Variants in GABRR2 observed in about 807,000 individuals in gnomAD.
The protein encoded by GABRR2 is gamma-aminobutyric acid receptor subunit rho-2.
Under a neutral mutation model 47.0 loss-of-function variants are expected in GABRR2, and 36 were observed. That is an observed-to-expected ratio of 0.77 (90% CI 0.59 to 1.01). The LOEUF (loss-of-function observed/expected upper bound fraction) is 1.01. Among genes scored for constraint, GABRR2 ranks in the 50% least tolerant of loss-of-function variants. GABRR2 has a pLI of 0.00. For missense variants in GABRR2, 587 were observed against 594.6 expected (o/e 0.99, Z 0.13); for synonymous variants, 204 against 227.5 (o/e 0.90, Z 0.93).
intron 2 of GABRR2, among the ~76,000 whole-genome samples, chr6:89,297,048 T>C (rs1000925936): frequency 3.3e-5 from 5 of 152,082 alleles, no homozygotes; most frequent in African/African-American, 9.7e-5. Flanking sequence ...TTGTTCGGAA[T>C]AGCACCCACA....
chr6:89,285,840 G>T (rs1774325889), intron 2 of GABRR2, among the ~76,000 whole-genome samples: 1 of 151,948 alleles, frequency 6.6e-6, no homozygotes, highest in Non-Finnish European at 1.5e-5. Context: ...CAATGTCCTT[G>T]CTGAGTGGCA....
chr6:89,294,961 G>C (rs1774530886), intron 2 of GABRR2, among the ~76,000 whole-genome samples: 1 of 152,088 alleles, frequency 6.6e-6, no homozygotes, highest in Non-Finnish European at 1.5e-5. Context: ...CCCTAAAAAG[G>C]ACATGAACTC....
intron 2 of GABRR2, among the ~76,000 whole-genome samples, chr6:89,290,719 AGAAGGCAGGAGGTATCG>A (rs1468342609): frequency 6.6e-6 from 1 of 152,210 alleles, no homozygotes; most frequent in African/African-American, 2.4e-5. Flanking sequence ...AGTCGGTATC[AGAAGGCAGGAGGTATCG>A]GAAGGGAGGA....
chr6:89,295,489 T>C (rs1774537957), intron 2 of GABRR2, among the ~76,000 whole-genome samples: 1 of 151,548 alleles, frequency 6.6e-6, no homozygotes, highest in African/African-American at 2.4e-5. Context: ...GGGATTTTTT[T>C]TTAATTTGTT....
chr6:89,258,540 TA>T (rs58724665), intron 8 of GABRR2, among the ~76,000 whole-genome samples: 32,252 of 117,176 alleles, frequency 0.28, 3,535 homozygotes, highest in Non-Finnish European at 0.31. Flanking sequence ...ACTCCTTCTC[TA>T]AAAAAAAAAA....
chr6:89,299,920 G>T, intron 1 of GABRR2, 55 bp from the exon 2 acceptor site: 2 of 1,152,020 alleles, frequency 1.7e-6, no homozygotes, highest in Non-Finnish European at 2.6e-6. Context: ...CATTGAGTGA[G>T]ATGATTTGGG....
chr6:89,266,528 G>A (rs983663453), intron 6 of GABRR2, among the ~76,000 whole-genome samples: 3 of 152,172 alleles, frequency 2.0e-5, no homozygotes, highest in Admixed American at 6.5e-5. Flanking sequence ...GAAATAGGCT[G>A]TTCACATGAT....
chr6:89,307,814 CTTTTTT>C (rs1247224346), intron 1 of GABRR2, among the ~76,000 whole-genome samples: 2 of 125,292 alleles, frequency 1.6e-5, no homozygotes, highest in East Asian at 4.4e-4. Flanking sequence ...ACTTCATTCA[CTTTTTT>C]TTTTTTTTTT....
At chr6:89,294,784 TC>T (rs1251963921) in intron 2 of GABRR2, among the ~76,000 whole-genome samples, 3 of 95,806 alleles carry the variant, frequency 3.1e-5, no homozygotes, top group East Asian at 7.0e-4. Context: ...ATGCTATCCC[TC>T]CCCCCTCCCC....
intron 2 of GABRR2, among the ~76,000 whole-genome samples, chr6:89,278,799 A>G (rs1774210160): frequency 6.6e-6 from 1 of 152,190 alleles, no homozygotes; most frequent in African/African-American, 2.4e-5. Flanking sequence ...TGGGGCGGGG[A>G]GGTTGGCATA....
rs1773978800 is a variant in GABRR2, at chr6:89,269,007, C to T, written c.512+4G>A. 3.7e-6 allele frequency: 6 copies of T among 1,612,954 alleles called. No individual in the cohort carries two copies. The highest frequency in any genetic ancestry group is 3.4e-6 in the Non-Finnish European group (4 of 1,178,892). ...CAGAGGAACAATGGCCCCCAGACAG[C>T]TACCTCATGCTGTACAGCACGTGTC... On this transcript the variant is annotated splice_donor_region_variant and intron_variant, in intron 4 of 8. Transcript: ENST00000402938.
At chr6:89,265,837 G>C (rs1001786092) in intron 6 of GABRR2, 72 bp from the exon 7 acceptor site, 2 of 1,472,948 alleles carry the variant, frequency 1.4e-6, no homozygotes, top group South Asian at 2.5e-5. Context: ...CTGGGAACCC[G>C]TCTTTCACTG....
chr6:89,294,279 G>A (rs1774519163), intron 2 of GABRR2, among the ~76,000 whole-genome samples: 1 of 152,126 alleles, frequency 6.6e-6, no homozygotes, highest in Non-Finnish European at 1.5e-5. Flanking sequence ...CAAGTAGCTG[G>A]GACTACAGGC....
Position 89,264,547 on chromosome 6 carries a change from G to A in GABRR2, c.951C>T (p.Arg317=), listed in dbSNP as rs373974438. ...IITGVNASMP[R]VSYVKAVDIY... ...TGTCCACGGCCTTGACGTAGGAGAC[G>A]CGCGGCATGGAGGCATTCACGCCCG... The change falls in exon 8 of 9, where the codon CGC becomes CGT. Residue 317 remains arginine, a synonymous_variant. Transcript: ENST00000402938. 134 of 1,614,024 alleles carry A rather than the reference G, an allele frequency of 8.3e-5. No homozygotes were observed. Among genetic ancestry groups the A allele is most frequent in the Non-Finnish European group, 9.6e-5 (113 of 1,180,040 alleles).
At chr6:89,302,744 C>T (rs3777516) in intron 1 of GABRR2, 108 of 1,408,614 alleles carry the variant, frequency 7.7e-5, no homozygotes, top group South Asian at 5.4e-4. Flanking sequence ...AGGAGGTGGA[C>T]GAGCAGATGC....
rs1773934705 is a variant in GABRR2 at position 89,267,706 on chromosome 6, A to G, written c.709T>C (p.Ser237Pro). 1 of 1,613,736 alleles carries G rather than the reference A, an allele frequency of 6.2e-7. No homozygotes were observed. Among genetic ancestry groups the G allele is most frequent in the Admixed American group, 1.7e-5 (1 of 59,972 alleles). The change falls in exon 6 of 9, where the codon TCC becomes CCC. Residue 237 changes from serine to proline, a missense_variant. Coordinates refer to ENST00000402938, the MANE Select transcript of GABRR2 (RefSeq NM_002043.5). ...GTGCTGCTGTAGAAGGCCAGCCTGG[A>G]AGTTGTGTGAAATTTCTGAATCAGA... ...QFLIQKFHTT[S>P]RLAFYSSTGW... is the part of the protein sequence containing the mutation.
At chr6:89,272,793 G>A (rs993453308) in intron 2 of GABRR2, among the ~76,000 whole-genome samples, 7 of 152,342 alleles carry the variant, frequency 4.6e-5, no homozygotes, top group East Asian at 1.9e-4. Flanking sequence ...TGAGGAATGA[G>A]CAGAACTGGA....
At chr6:89,309,219 C>A (rs1236757335) in intron 1 of GABRR2, among the ~76,000 whole-genome samples, 2 of 152,196 alleles carry the variant, frequency 1.3e-5, no homozygotes, top group Non-Finnish European at 2.9e-5. Flanking sequence ...ACCCTCTTGT[C>A]CTTCCACCCT....
At chr6:89,292,211 T>C (rs1774453501) in intron 2 of GABRR2, among the ~76,000 whole-genome samples, 1 of 151,788 alleles carries the variant, frequency 6.6e-6, no homozygotes, top group Non-Finnish European at 1.5e-5. Flanking sequence ...TTTCAAAAAA[T>C]TCCATGATGA....
Sources: gnomAD v4.1 joint callset for allele counts (sites outside exome capture counted in the v4.1 genomes callset) on GRCh38, gnomAD v4.1.1 for gene constraint, MANE v1.5 for transcripts, NCBI Gene and HGNC (gene_info 2026-07-23, HGNC 2026-07-21) for gene names.